The following CADPS2 variants were observed in gnomAD, a reference collection of about 807,000 sequenced individuals.
CADPS2 encodes calcium-dependent secretion activator 2.
A neutral mutation model predicts 172.5 loss-of-function variants in CADPS2; 93 were observed. That is an observed-to-expected ratio of 0.54 (90% CI 0.46 to 0.64). The LOEUF is 0.64. Ranked by LOEUF, CADPS2 falls within the 30% of genes least tolerant of loss-of-function variation. CADPS2 has a pLI of 0.00. For synonymous variants in CADPS2, 546 were observed against 555.2 expected, an observed-to-expected ratio of 0.98 and a Z score of 0.23; for missense variants, 1,420 against 1,565.9, an observed-to-expected ratio of 0.91 and a Z score of 1.57.
chr7:122,420,732 C>T (rs1302662440), intron 17 of CADPS2, among the ~76,000 whole-genome samples: 1 of 152,172 alleles, frequency 6.6e-6, no homozygotes, highest in East Asian at 1.9e-4. Context: ...CAAACAGTGA[C>T]ATTTAAAACA....
chr7:122,558,851 C>T (rs949786850), intron 7 of CADPS2, among the ~76,000 whole-genome samples: 2 of 152,054 alleles, frequency 1.3e-5, no homozygotes, highest in African/African-American at 2.4e-5. Flanking sequence ...TCTGTGAAAT[C>T]AAGACTATTT....
chr7:122,481,823 C>T (rs1273439707), intron 11 of CADPS2, among the ~76,000 whole-genome samples: 1 of 152,112 alleles, frequency 6.6e-6, no homozygotes. Context: ...CTAGCCTGGC[C>T]AACATGGAGA....
At chr7:122,734,375 A>AAAAG (rs2091963726) in intron 2 of CADPS2, among the ~76,000 whole-genome samples, 1 of 95,512 alleles carries the variant, frequency 1.0e-5, no homozygotes, top group African/African-American at 3.5e-5. Flanking sequence ...AAAAAAAAAA[A>AAAAG]AAAAAAAAAA....
At chr7:122,838,544 C>A (rs1038116898) in intron 1 of CADPS2, among the ~76,000 whole-genome samples, 7 of 152,028 alleles carry the variant, frequency 4.6e-5, no homozygotes, top group East Asian at 3.9e-4. Flanking sequence ...GTCTCAGCCC[C>A]AAATCTCCTT....
chr7:122,813,554 C>T (rs1314131710), intron 1 of CADPS2, among the ~76,000 whole-genome samples: 1 of 152,030 alleles, frequency 6.6e-6, no homozygotes, highest in Admixed American at 6.6e-5. Context: ...CTTTTTTATG[C>T]TGAGTCTTTC....
intron 9 of CADPS2, among the ~76,000 whole-genome samples, chr7:122,495,620 G>A (rs545620090): frequency 1.2e-3 from 190 of 152,050 alleles, no homozygotes; most frequent in Middle Eastern, 3.4e-3. Context: ...ATTCTTGTAC[G>A]TCTTGTCTTC....
At chr7:122,712,569 T>C (rs1360536705) in intron 2 of CADPS2, among the ~76,000 whole-genome samples, 2 of 152,132 alleles carry the variant, frequency 1.3e-5, no homozygotes, top group Non-Finnish European at 2.9e-5. Flanking sequence ...GTCATGGTTA[T>C]ATTTTTTCCA....
intron 2 of CADPS2, among the ~76,000 whole-genome samples, chr7:122,736,211 A>G (rs1411371120): frequency 6.6e-6 from 1 of 152,204 alleles, no homozygotes; most frequent in Non-Finnish European, 1.5e-5. Context: ...TTCTTGCCTC[A>G]GGTAAGTTCA....
At chr7:122,387,776 G>C (rs1014856823) in intron 23 of CADPS2, among the ~76,000 whole-genome samples, 1 of 151,904 alleles carries the variant, frequency 6.6e-6, no homozygotes, top group East Asian at 1.9e-4. Flanking sequence ...CCACAGAATC[G>C]AGACATCAAA....
intron 1 of CADPS2, 136 bp downstream of exon 1, chr7:122,885,863 G>A: frequency 1.8e-6 from 2 of 1,083,830 alleles, no homozygotes; most frequent in Middle Eastern, 2.9e-4. Flanking sequence ...TGTCCCCAAA[G>A]ATTCCTCTGC....
At chr7:122,683,185 T>C (rs1204919605) in intron 2 of CADPS2, among the ~76,000 whole-genome samples, 2 of 152,214 alleles carry the variant, frequency 1.3e-5, no homozygotes, top group South Asian at 2.1e-4. Flanking sequence ...GAAGGTGATC[T>C]TTCCCTGAAG....
chr7:122,651,605 G>A (rs2079151785), intron 3 of CADPS2, among the ~76,000 whole-genome samples: 1 of 152,134 alleles, frequency 6.6e-6, no homozygotes, highest in African/African-American at 2.4e-5. Flanking sequence ...CTTAACATGG[G>A]TGGTGTAGTC....
intron 1 of CADPS2, among the ~76,000 whole-genome samples, chr7:122,842,182 A>G (rs1434246777): frequency 6.6e-6 from 1 of 152,200 alleles, no homozygotes; most frequent in Non-Finnish European, 1.5e-5. Flanking sequence ...AGCCAGGGGA[A>G]TGAACATTTT....
At chr7:122,415,619 A>AT (rs1202695068) in intron 18 of CADPS2, among the ~76,000 whole-genome samples, 1 of 151,556 alleles carries the variant, frequency 6.6e-6, no homozygotes, top group Non-Finnish European at 1.5e-5. Flanking sequence ...AAAAAAAAAA[A>AT]AGAAAAGCCC....
intron 25 of CADPS2, among the ~76,000 whole-genome samples, chr7:122,364,413 TAAAA>T (rs916412439): frequency 2.6e-5 from 2 of 77,898 alleles, no homozygotes; most frequent in African/African-American, 5.3e-5. Context: ...TGTCTCAAGT[TAAAA>T]AAAAAAAAAA....
At chr7:122,583,870 CAT>C (rs966232392) in intron 6 of CADPS2, among the ~76,000 whole-genome samples, 12 of 150,854 alleles carry the variant, frequency 8.0e-5, no homozygotes, top group South Asian at 6.3e-4. Context: ...ATGTATATAA[CAT>C]ATGTGTATAT....
At chr7:122,580,506 T>C (rs1029352756) in intron 7 of CADPS2, among the ~76,000 whole-genome samples, 2 of 151,190 alleles carry the variant, frequency 1.3e-5, no homozygotes, top group Non-Finnish European at 2.9e-5. Context: ...CATCTTCATA[T>C]AGACTACTCA....
At chr7:122,424,349 A>T (rs1413495297) in intron 17 of CADPS2, 4 of 984,754 alleles carry the variant, frequency 4.1e-6, no homozygotes, top group Non-Finnish European at 4.8e-6. Flanking sequence ...TCGCATCTGT[A>T]AATTCATTGT....
At chr7:122,364,458 G>A (rs927666242) in intron 25 of CADPS2, among the ~76,000 whole-genome samples, 1 of 149,540 alleles carries the variant, frequency 6.7e-6, no homozygotes, top group East Asian at 2.0e-4. Flanking sequence ...CAGGTGCCGT[G>A]GCTCACGGCT....
Sources: gnomAD v4.1 joint callset for allele counts (sites outside exome capture counted in the v4.1 genomes callset) on GRCh38, gnomAD v4.1.1 for gene constraint, MANE v1.5 for transcripts, NCBI Gene and HGNC (gene_info 2026-07-23, HGNC 2026-07-21) for gene names.